Variants in TINAG observed in about 807,000 individuals in gnomAD.
TINAG encodes the protein tubulointerstitial nephritis antigen.
TINAG carries 83 observed loss-of-function variants against 72.7 expected under a neutral mutation model. That is an observed-to-expected ratio of 1.14 (90% CI 0.96 to 1.37). The LOEUF (loss-of-function observed/expected upper bound fraction) is 1.37. Ranked by LOEUF, TINAG falls within the 40% of genes most tolerant of loss-of-function variation. The pLI is 0.00. For missense variants in TINAG, 685 were observed against 576.6 expected, an observed-to-expected ratio of 1.19 and a Z score of -1.93; for synonymous variants, 234 against 189.9, an observed-to-expected ratio of 1.23 and a Z score of -1.91.
chr6:54,325,809 G>T (rs1784590164), intron 3 of TINAG, among the ~76,000 whole-genome samples: 1 of 152,112 alleles, frequency 6.6e-6, no homozygotes, highest in Non-Finnish European at 1.5e-5. Context: ...CCCTTATTGA[G>T]ATTGCACTTT....
chr6:54,308,540 A>AC lies in TINAG; in HGVS notation c.-10dup. ...TAACGGAAAGTGGAAGCTATACCTG[A>AC]CTTCCAGAGAATGTGGACCGGATAT... On this transcript the variant is annotated 5_prime_UTR_variant, in exon 1 of 11. Coordinates refer to ENST00000259782, the MANE Select transcript of TINAG (RefSeq NM_014464.4). The AC allele has an allele frequency of 6.3e-7, 1 of 1,597,922 alleles. No individual in the cohort carries two copies. Among genetic ancestry groups the AC allele is most frequent in the Non-Finnish European group, 8.5e-7 (1 of 1,171,714 alleles).
At chr6:54,363,212 G>C (rs572556977) in intron 9 of TINAG, among the ~76,000 whole-genome samples, 1 of 151,572 alleles carries the variant, frequency 6.6e-6, no homozygotes, top group Non-Finnish European at 1.5e-5. Context: ...GATTTTTGTC[G>C]AGGATGTTAA....
intron 1 of TINAG, among the ~76,000 whole-genome samples, chr6:54,312,947 T>A (rs1227497298): frequency 3.9e-5 from 6 of 152,118 alleles, no homozygotes; most frequent in African/African-American, 7.2e-5. Context: ...ATGTCTGTAG[T>A]TTCTGTAAGT....
At chr6:54,342,604 G>C (rs993934301) in intron 4 of TINAG, among the ~76,000 whole-genome samples, 3 of 151,992 alleles carry the variant, frequency 2.0e-5, no homozygotes, top group Non-Finnish European at 4.4e-5. Flanking sequence ...TCCTGACCTT[G>C]TGATCCACCC....
intron 9 of TINAG, among the ~76,000 whole-genome samples, chr6:54,377,407 G>C (rs1368218042): frequency 3.3e-5 from 5 of 152,084 alleles, no homozygotes; most frequent in Non-Finnish European, 5.9e-5. Context: ...AGCTACTCGG[G>C]AAGCTGAGGC....
intron 9 of TINAG, among the ~76,000 whole-genome samples, chr6:54,362,247 G>A (rs1257879669): frequency 6.6e-6 from 1 of 151,690 alleles, no homozygotes; most frequent in Non-Finnish European, 1.5e-5. Flanking sequence ...TGATATCAAA[G>A]CTTCAAAGGA....
intron 9 of TINAG, among the ~76,000 whole-genome samples, chr6:54,375,551 T>C (rs1356252446): frequency 6.6e-6 from 1 of 152,150 alleles, no homozygotes; most frequent in Non-Finnish European, 1.5e-5. Flanking sequence ...TTTCTTTCCA[T>C]ATAAATTGGC....
In TINAG at chr6:54,308,898, T is replaced by C. The variant is rs1358867182; in HGVS notation, c.348T>C (p.Tyr116=). 1 of 1,605,218 alleles carries C rather than the reference T, an allele frequency of 6.2e-7. No individual in the cohort carries two copies. Among genetic ancestry groups the C allele is most frequent in the Non-Finnish European group, 8.5e-7 (1 of 1,175,514 alleles). The part of the protein sequence containing the change: ...KEWPPHTQPW[Y]PEGCFKDGQH... ...GGCCTCCTCACACACAGCCTTGGTA[T>C]CCAGAAGGTAGGCTTTGGGAATGTG... The change falls in exon 1 of 11, where the codon TAT becomes TAC. Residue 116 remains tyrosine (Y), a synonymous_variant. Coordinates refer to ENST00000259782, the MANE Select transcript of TINAG (RefSeq NM_014464.4).
intron 4 of TINAG, among the ~76,000 whole-genome samples, chr6:54,337,915 C>T (rs1242753552): frequency 6.6e-6 from 1 of 152,126 alleles, no homozygotes; most frequent in East Asian, 1.9e-4. Context: ...TTTTTTCATC[C>T]ATGTAGGGAA....
intron 9 of TINAG, among the ~76,000 whole-genome samples, chr6:54,371,110 CTGTGTGTGTGTG>C (rs70983416): frequency 1.3e-5 from 2 of 148,984 alleles, no homozygotes; most frequent in Non-Finnish European, 3.0e-5. Flanking sequence ...CTTACGAAAA[CTGTGTGTGTGTG>C]TGTGTGTGTG....
intron 10 of TINAG, among the ~76,000 whole-genome samples, chr6:54,386,170 C>A (rs998962875): frequency 6.6e-6 from 1 of 152,034 alleles, no homozygotes; most frequent in Non-Finnish European, 1.5e-5. Flanking sequence ...GAATTACAGG[C>A]GTGAGCCAGT....
intron 10 of TINAG, among the ~76,000 whole-genome samples, chr6:54,387,202 A>G (rs1372153520): frequency 6.6e-6 from 1 of 152,160 alleles, no homozygotes; most frequent in Admixed American, 6.5e-5. Flanking sequence ...TAAGACCACA[A>G]TGAAATATCA....
At chr6:54,326,602 A>G (rs1196632803) in intron 3 of TINAG, among the ~76,000 whole-genome samples, 200 bp from the exon 4 acceptor site, 1 of 152,160 alleles carries the variant, frequency 6.6e-6, no homozygotes, top group East Asian at 1.9e-4. Flanking sequence ...GACCTTATTT[A>G]GGAAGAGTAT....
At chr6:54,322,804 G>A (rs1423076888) in intron 3 of TINAG, among the ~76,000 whole-genome samples, 2 of 151,988 alleles carry the variant, frequency 1.3e-5, no homozygotes, top group South Asian at 2.1e-4. Context: ...GTATTTCCAG[G>A]GAAAACCAAT....
chr6:54,309,054 T>C, intron 1 of TINAG, 149 bp downstream of exon 1: 1 of 872,294 alleles, frequency 1.1e-6, no homozygotes, highest in Non-Finnish European at 1.7e-6. Context: ...CTTTGGATTG[T>C]TAAAGTGCTT....
At chr6:54,340,171 G>A (rs1481172922) in intron 4 of TINAG, among the ~76,000 whole-genome samples, 1 of 151,928 alleles carries the variant, frequency 6.6e-6, no homozygotes, top group Admixed American at 6.6e-5. Flanking sequence ...ACTGAAACAG[G>A]GAGACTGTTC....
At chr6:54,349,584 A>T (rs1785210931) in intron 6 of TINAG, 132 bp from the exon 7 acceptor site, 1 of 702,536 alleles carries the variant, frequency 1.4e-6, no homozygotes, top group African/African-American at 1.8e-5. Flanking sequence ...GGAGTCACTC[A>T]CTATTTTGAA....
chr6:54,343,103 T>C (rs1483310676), intron 4 of TINAG, 123 bp from the exon 5 acceptor site: 3 of 842,912 alleles, frequency 3.6e-6, no homozygotes, highest in Admixed American at 3.9e-5. Context: ...CTGTAGTTCA[T>C]CTGGAAACTT....
intron 9 of TINAG, 73 bp from the exon 10 acceptor site, chr6:54,380,453 T>C: frequency 7.8e-7 from 1 of 1,277,548 alleles, no homozygotes; most frequent in East Asian, 2.4e-5. Flanking sequence ...GGAATGACAA[T>C]AATCTGCATT....
Sources: gnomAD v4.1 joint callset for allele counts (sites outside exome capture counted in the v4.1 genomes callset) on GRCh38, gnomAD v4.1.1 for gene constraint, MANE v1.5 for transcripts, NCBI Gene and HGNC (gene_info 2026-07-23, HGNC 2026-07-21) for gene names.